The following SIM1 variants were observed in gnomAD, a reference collection of about 807,000 sequenced individuals.
SIM1 encodes the protein SIM bHLH transcription factor 1, also known as single-minded homolog 1.
A neutral mutation model predicts 78.2 loss-of-function variants in SIM1; 18 were observed. That is an observed-to-expected ratio of 0.23 (90% CI 0.16 to 0.34). The LOEUF is 0.34. Among genes scored for constraint, SIM1 ranks in the 10% least tolerant of loss-of-function variants. The pLI, the probability that SIM1 is intolerant of heterozygous loss-of-function variation, is 1.00. For missense variants in SIM1, 939 were observed against 975.1 expected (o/e 0.96, Z 0.49); for synonymous variants, 417 against 385.2 (o/e 1.08, Z -0.97).
chr6:100,395,079 G>A lies in SIM1; in HGVS notation c.1168-1190C>T, dbSNP rs1389567125. Among the ~76,000 whole-genome samples the A allele has an allele frequency of 2.6e-5, 4 of 152,036 alleles. No homozygotes were observed. The South Asian group carries it at 8.3e-4, about 31-fold the overall frequency. On this transcript the variant is annotated intron_variant, in intron 10 of 11. Transcript: ENST00000369208. ...ATAAAATGCTTGATAGATCTCCCTAGGAAGTGTGCTCAGTTTGAAGGCCCT... is the reference window on the plus strand; with the variant it reads ...ATAAAATGCTTGATAGATCTCCCTAAGAAGTGTGCTCAGTTTGAAGGCCCT...
rs1770622507 is a variant in SIM1, at chr6:100,390,919, T to G, written c.1743A>C (p.Arg581Ser). The G allele has an allele frequency of 1.2e-5, 20 of 1,614,164 alleles. No individual in the cohort carries two copies. The highest frequency in any genetic ancestry group is 1.6e-5 in the Non-Finnish European group (19 of 1,180,026). Reference sequence around the variant, plus strand: ...CTGAGGGGGCTTTCCTTAGCTGTAATCTGTTCTCTTCTTCTTTAATCATTT... The same window carrying G: ...CTGAGGGGGCTTTCCTTAGCTGTAAGCTGTTCTCTTCTTCTTTAATCATTT... Reference protein sequence around the residue: ...TQQMIKEEENRLQLRKAPSDQ... With the variant: ...TQQMIKEEENSLQLRKAPSDQ... The change falls in exon 12 of 12, where the codon AGA becomes AGC. Residue 581 changes from arginine to serine, a missense_variant. By Grantham distance (110) the Arg-to-Ser change is moderately radical. Around this residue, in one of 5 missense-constraint regions of SIM1, gnomAD observed 556 missense variants for 521.9 expected, o/e 1.07. Coordinates refer to ENST00000369208, the MANE Select transcript of SIM1 (RefSeq NM_005068.3).
At chr6:100,439,339 T>C (rs1293294361) in intron 9 of SIM1, among the ~76,000 whole-genome samples, 1 of 152,170 alleles carries the variant, frequency 6.6e-6, no homozygotes, top group Non-Finnish European at 1.5e-5. Context: ...CTTCCAACCC[T>C]TAAAATTCCA....
chr6:100,450,467 G>A (rs886321317), intron 3 of SIM1, 111 bp from the exon 4 acceptor site: 2 of 910,004 alleles, frequency 2.2e-6, no homozygotes, highest in Admixed American at 1.9e-5. Context: ...GAGATGGAGT[G>A]GAGCAGGTTT....
chr6:100,450,209 C>T (rs1772472543), intron 4 of SIM1, 58 bp downstream of exon 4: 3 of 1,475,194 alleles, frequency 2.0e-6, no homozygotes, highest in African/African-American at 1.4e-5. Flanking sequence ...GCCCCCTACC[C>T]CTGCTTCCAG....
In SIM1 at chr6:100,398,446, C is replaced by G. The variant is rs1270158217; in HGVS notation, c.1168-4557G>C. On this transcript the variant is annotated intron_variant, in intron 10 of 11. Coordinates refer to ENST00000369208, the MANE Select transcript of SIM1 (RefSeq NM_005068.3). ...ATAACTCCCCATTCCGTCTTCCCTTCAGTTCCTTAACAACCACCATTCTAA... is the reference window on the plus strand; with the variant it reads ...ATAACTCCCCATTCCGTCTTCCCTTGAGTTCCTTAACAACCACCATTCTAA... Among the ~76,000 whole-genome samples the G allele has an allele frequency of 4.1e-4, 62 of 152,114 alleles. 1 individual carries two copies. Among genetic ancestry groups the G allele is most frequent in the Non-Finnish European group, 2.9e-5 (2 of 67,994 alleles).
At chr6:100,451,138 G>A (rs930717712) in intron 3 of SIM1, among the ~76,000 whole-genome samples, 11 of 152,188 alleles carry the variant, frequency 7.2e-5, no homozygotes, top group Admixed American at 2.0e-4. Context: ...CAACTGGCCT[G>A]AAGACAGATA....
intron 10 of SIM1, among the ~76,000 whole-genome samples, chr6:100,407,141 CT>C (rs1307887565): frequency 6.6e-6 from 1 of 152,124 alleles, no homozygotes; most frequent in Non-Finnish European, 1.5e-5. Context: ...GAATTTCCTT[CT>C]TTTGTGGCTG....
intron 10 of SIM1, among the ~76,000 whole-genome samples, chr6:100,416,160 T>C (rs563731147): frequency 6.6e-6 from 1 of 152,302 alleles, no homozygotes; most frequent in South Asian, 2.1e-4. Flanking sequence ...CTGACCTAAC[T>C]CAGCCAGAAG....
intron 10 of SIM1, among the ~76,000 whole-genome samples, chr6:100,397,110 T>C (rs1770787010): frequency 6.6e-6 from 1 of 152,198 alleles, no homozygotes; most frequent in African/African-American, 2.4e-5. Context: ...AAAAAGAAAG[T>C]TATTGTGTAA....
intron 10 of SIM1, among the ~76,000 whole-genome samples, chr6:100,413,634 G>A (rs1265739076): frequency 6.6e-6 from 1 of 152,044 alleles, no homozygotes; most frequent in African/African-American, 2.4e-5. Flanking sequence ...ATGTATCAGT[G>A]TGTATTATGA....
At chr6:100,434,701 G>C (rs1237631115) in intron 9 of SIM1, among the ~76,000 whole-genome samples, 5 of 152,206 alleles carry the variant, frequency 3.3e-5, no homozygotes, top group African/African-American at 9.6e-5. Context: ...TATTCTTGGA[G>C]AGATGTAAAA....
intron 3 of SIM1, among the ~76,000 whole-genome samples, 199 bp from the exon 4 acceptor site, chr6:100,450,555 A>G (rs1222822198): frequency 3.3e-5 from 5 of 152,220 alleles, no homozygotes; most frequent in African/African-American, 1.2e-4. Context: ...TGGGGCATGC[A>G]GCCCAATGGG....
At chr6:100,391,189 T>C (rs1770630188) in intron 11 of SIM1, 98 bp from the exon 12 acceptor site, 1 of 1,288,318 alleles carries the variant, frequency 7.8e-7, no homozygotes, top group African/African-American at 1.5e-5. Flanking sequence ...ATATCTTTCA[T>C]TTTTAATATA....
intron 10 of SIM1, among the ~76,000 whole-genome samples, chr6:100,394,249 T>G (rs982861616): frequency 3.3e-5 from 5 of 152,138 alleles, no homozygotes; most frequent in African/African-American, 1.2e-4. Context: ...AGTTTAGGGA[T>G]AGAGAAGCTA....
chr6:100,461,987 TG>T (rs1265492381), intron 2 of SIM1, among the ~76,000 whole-genome samples: 5 of 152,078 alleles, frequency 3.3e-5, no homozygotes, highest in Admixed American at 6.5e-5. Context: ...AAGGTAGAAC[TG>T]AACTATAATT....
Position 100,393,818 on chromosome 6 carries a change from G to A in SIM1, c.1239C>T (p.Asp413=), listed in dbSNP as rs753646947. 6 of 1,612,542 alleles carry A rather than the reference G, an allele frequency of 3.7e-6. No homozygotes were observed. The Admixed American group carries it at 6.7e-5, about 18-fold the overall frequency. Residue 413 remains aspartate, a synonymous_variant, in exon 11 of 12, where the codon GAC becomes GAT. Coordinates refer to ENST00000369208, the MANE Select transcript of SIM1 (RefSeq NM_005068.3). ...GGTCCAGAAGCTGCGGAGAGGCCGT[G>A]TCGGTCAAGGGACTTCCGCCCCACT... The part of the protein sequence containing the change: ...DSQWGGSPLT[D]TASPQLLDPA...
chr6:100,392,839 A>T (rs897215029), intron 11 of SIM1, among the ~76,000 whole-genome samples: 5 of 152,242 alleles, frequency 3.3e-5, no homozygotes, highest in Non-Finnish European at 7.3e-5. Context: ...AAAGGGAAGC[A>T]TTAGCAACAA....
At position 100,449,363 on chromosome 6, in the gene SIM1, C is replaced by T. The variant is rs1427886458; in HGVS notation, c.543G>A (p.Lys181=). 2 of 1,613,340 alleles carry T rather than the reference C, an allele frequency of 1.2e-6. No individual in the cohort carries two copies. The highest frequency in any genetic ancestry group is 3.3e-5 in the Admixed American group (2 of 60,014). Residue 181 remains lysine, a splice_region_variant and synonymous_variant, in exon 6 of 12, where the codon AAG becomes AAA. Transcript: ENST00000369208. ...RNAGLTCGGY[K]VIHCSGYLKI... ...CGGAGCGGATCTTCCAGCTACGCAC[C>T]TTGTAGCCGCCACAGGTGAGGCCGG...
rs1312726194 is a variant in SIM1, at chr6:100,411,578, C to T, written c.1167+9212G>A. ...TTTTTATATCTCCACAGACAATTAACAAAGTGTCCGCACAATTTTTAAATT... is the reference window on the plus strand; with the variant it reads ...TTTTTATATCTCCACAGACAATTAATAAAGTGTCCGCACAATTTTTAAATT... On this transcript the variant is annotated intron_variant, in intron 10 of 11. Transcript: ENST00000369208. Among the ~76,000 whole-genome samples, 4 of 152,168 alleles carry T rather than the reference C, an allele frequency of 2.6e-5. No homozygotes were observed. The East Asian group carries it at 5.8e-4, about 22-fold the overall frequency.
Sources: gnomAD v4.1 joint callset for allele counts (sites outside exome capture counted in the v4.1 genomes callset) on GRCh38, gnomAD v4.1.1 for gene constraint, gnomAD v4.1.1 regional missense constraint, MANE v1.5 for transcripts, NCBI Gene and HGNC (gene_info 2026-07-23, HGNC 2026-07-21) for gene names.